CDH13: variants seen among roughly 807,000 people sequenced by gnomAD.
CDH13 encodes cadherin-13.
A neutral mutation model predicts 63.8 loss-of-function variants in CDH13; 24 were observed. The ratio of observed to expected loss-of-function variants is 0.38; its 90% CI spans 0.27 to 0.53. The LOEUF is 0.53. Ranked by LOEUF, CDH13 falls within the 20% of genes least tolerant of loss-of-function variation. CDH13 has a pLI of 0.85. For synonymous variants in CDH13, 503 were observed against 355.3 expected, an observed-to-expected ratio of 1.42 and a Z score of -4.67; for missense variants, 1,049 against 903.1, an observed-to-expected ratio of 1.16 and a Z score of -2.07.
intron 4 of CDH13, among the ~76,000 whole-genome samples, chr16:83,195,028 T>C (rs1247075895): frequency 6.6e-6 from 1 of 152,246 alleles, no homozygotes; most frequent in Non-Finnish European, 1.5e-5. Context: ...CATAAAACAT[T>C]CTTTCTCTTT....
intron 3 of CDH13, among the ~76,000 whole-genome samples, chr16:83,048,213 C>T (rs1352594689): frequency 2.0e-5 from 3 of 152,154 alleles, no homozygotes; most frequent in Non-Finnish European, 4.4e-5. Flanking sequence ...TTGAAACTTT[C>T]ATAACTCAGG....
intron 4 of CDH13, among the ~76,000 whole-genome samples, chr16:83,156,889 C>G (rs1157503610): frequency 6.6e-6 from 1 of 152,202 alleles, no homozygotes. Context: ...AGAGGCACTC[C>G]TTCTGACATT....
At chr16:83,449,295 C>T (rs532020094) in intron 6 of CDH13, among the ~76,000 whole-genome samples, 4 of 152,086 alleles carry the variant, frequency 2.6e-5, no homozygotes, top group Non-Finnish European at 4.4e-5. Flanking sequence ...TGAAAGTAAA[C>T]GAAGAGGATC....
At chr16:83,159,110 A>AT (rs2037338618) in intron 4 of CDH13, among the ~76,000 whole-genome samples, 1 of 149,636 alleles carries the variant, frequency 6.7e-6, no homozygotes, top group African/African-American at 2.5e-5. Context: ...TAGCTTATCT[A>AT]TTTTTTTCTG....
At chr16:82,940,401 G>A (rs905731989) in intron 2 of CDH13, among the ~76,000 whole-genome samples, 4 of 152,118 alleles carry the variant, frequency 2.6e-5, no homozygotes, top group East Asian at 1.9e-4. Context: ...TGTTTTGCTC[G>A]GTGGTGAGGT....
chr16:83,786,669 C>T (rs1223698459), intron 13 of CDH13, among the ~76,000 whole-genome samples: 3 of 152,088 alleles, frequency 2.0e-5, no homozygotes, highest in Admixed American at 1.3e-4. Flanking sequence ...CTTACTGCAA[C>T]CTCCGTCTCC....
At chr16:83,240,720 T>TTTC (rs1379165598) in intron 5 of CDH13, among the ~76,000 whole-genome samples, 3,238 of 57,722 alleles carry the variant, frequency 0.056, 121 homozygotes, top group Non-Finnish European at 0.096. Context: ...TCTTAATCTT[T>TTTC]TTTTTTTTTT....
intron 6 of CDH13, among the ~76,000 whole-genome samples, chr16:83,452,742 A>C (rs2072917802): frequency 6.6e-6 from 1 of 152,258 alleles, no homozygotes. Context: ...GAACAAGAGA[A>C]GTACCTCGGT....
intron 6 of CDH13, among the ~76,000 whole-genome samples, chr16:83,422,282 C>T (rs2071738834): frequency 6.6e-6 from 1 of 152,122 alleles, no homozygotes; most frequent in Non-Finnish European, 1.5e-5. Flanking sequence ...TATTAATACT[C>T]ATCCAAAGAA....
intron 5 of CDH13, among the ~76,000 whole-genome samples, chr16:83,329,528 G>A (rs941431394): frequency 2.0e-5 from 3 of 151,964 alleles, no homozygotes; most frequent in Non-Finnish European, 2.9e-5. Context: ...TCAAATTAAA[G>A]GTTTTTGATT....
At chr16:82,971,669 C>G (rs1435071709) in intron 2 of CDH13, among the ~76,000 whole-genome samples, 2 of 152,154 alleles carry the variant, frequency 1.3e-5, no homozygotes, top group South Asian at 2.1e-4. Flanking sequence ...CAAATTCAAC[C>G]TTGAATTCAA....
Position 83,374,723 on chromosome 16 carries a change from A to G in CDH13, c.781+29717A>G, listed in dbSNP as rs116213461. 4.1e-3 allele frequency among the ~76,000 whole-genome samples: 627 copies of G among 152,312 alleles called. 7 individuals carry two copies. The highest frequency in any genetic ancestry group is 0.014 in the African/African-American group (600 of 41,578). ...TATGAAAGCATTAGACTATCTCTGG[A>G]TGTTTTCCACACACCTGAGAGTGTG... On this transcript the variant is annotated intron_variant, in intron 6 of 13. Coordinates refer to ENST00000567109, the MANE Select transcript of CDH13 (RefSeq NM_001257.5).
In CDH13 at chr16:82,725,570, T is replaced by C. The variant is rs563852559; in HGVS notation, c.45+98433T>C. On this transcript the variant is annotated intron_variant, in intron 1 of 13. Transcript: ENST00000567109. ...GATCTGCATAAAACTATAAGCCTCA[T>C]TCCTGGCACATGGTGACCTCTTAAT... 4.6e-5 allele frequency among the ~76,000 whole-genome samples: 7 copies of C among 152,354 alleles called. 1 individual carries two copies. The highest frequency in any genetic ancestry group is 3.3e-4 in the Admixed American group (5 of 15,298).
At chr16:83,446,730 T>A (rs562143035) in intron 6 of CDH13, among the ~76,000 whole-genome samples, 3 of 152,150 alleles carry the variant, frequency 2.0e-5, no homozygotes, top group Non-Finnish European at 2.9e-5. Context: ...TTATCTAGTC[T>A]GCTACAACAT....
chr16:83,460,994 C>CA (rs2073164354), intron 6 of CDH13, among the ~76,000 whole-genome samples: 1 of 130,560 alleles, frequency 7.7e-6, no homozygotes, highest in Non-Finnish European at 1.6e-5. Flanking sequence ...CACACACACA[C>CA]GCACACACAC....
At chr16:82,985,499 C>A (rs752973382) in intron 2 of CDH13, among the ~76,000 whole-genome samples, 1 of 152,112 alleles carries the variant, frequency 6.6e-6, no homozygotes, top group African/African-American at 2.4e-5. Context: ...TGTGGCTTTC[C>A]TCCTCCTTTC....
chr16:83,096,174 C>A (rs1032021776), intron 3 of CDH13, among the ~76,000 whole-genome samples: 1 of 152,180 alleles, frequency 6.6e-6, no homozygotes, highest in Non-Finnish European at 1.5e-5. Context: ...GCTATCATTG[C>A]GTACCAGGCT....
chr16:82,785,278 G>T (rs893782232), intron 1 of CDH13, among the ~76,000 whole-genome samples: 4 of 152,160 alleles, frequency 2.6e-5, no homozygotes, highest in Admixed American at 2.0e-4. Context: ...CAGGTATGCA[G>T]GCTTGGCACT....
chr16:82,792,163 T>G (rs2036341515), intron 1 of CDH13, among the ~76,000 whole-genome samples: 2 of 152,132 alleles, frequency 1.3e-5, no homozygotes, highest in Admixed American at 1.3e-4. Flanking sequence ...TTCCTTGACT[T>G]CATAGACTCA....
Sources: gnomAD v4.1 joint callset for allele counts (sites outside exome capture counted in the v4.1 genomes callset) on GRCh38, gnomAD v4.1.1 for gene constraint, MANE v1.5 for transcripts, NCBI Gene and HGNC (gene_info 2026-07-23, HGNC 2026-07-21) for gene names.